The following UBA6 variants were observed in gnomAD, a reference collection of about 807,000 sequenced individuals.
The protein encoded by UBA6 is ubiquitin-like modifier-activating enzyme 6.
Under a neutral mutation model 148.3 loss-of-function variants are expected in UBA6, and 87 were observed. That is an observed-to-expected ratio of 0.59 (90% CI 0.49 to 0.70). The LOEUF is 0.70. Among genes scored for constraint, UBA6 ranks in the 30% least tolerant of loss-of-function variants. The pLI, the probability that UBA6 is intolerant of heterozygous loss-of-function variation, is 0.00. For missense variants in UBA6, 1,186 were observed against 1,241.2 expected, an observed-to-expected ratio of 0.96 and a Z score of 0.67; for synonymous variants, 376 against 401.0, an observed-to-expected ratio of 0.94 and a Z score of 0.75.
rs1376987161 is a variant in UBA6, at chr4:67,635,701, TCAAA to T, written c.1737-147_1737-144del. Reference sequence around the variant, plus strand: ...TTTTAGGAAAACAGATATACTACTATCAAACAGTGGATCATTCCTGTTCCCCTAT... The same window carrying T: ...TTTTAGGAAAACAGATATACTACTATCAGTGGATCATTCCTGTTCCCCTAT... On this transcript the variant is annotated intron_variant, in intron 19 of 32. Transcript: ENST00000322244. 9 of 494,104 alleles carry T rather than the reference TCAAA, an allele frequency of 1.8e-5. No individual in the cohort carries two copies. The Middle Eastern group carries it at 1.6e-3, about 88-fold the overall frequency. The allele number at this position is 494,104 out of a possible 1,614,324, so 30.6% of individuals were successfully genotyped here. A position where few individuals can be genotyped will look rare whatever the true frequency, so the allele number is the denominator to read the frequency against.
rs1577823101 is a variant in UBA6, at chr4:67,665,781, T to C, written c.794-489A>G. Among the ~76,000 whole-genome samples the C allele has an allele frequency of 2.6e-5, 4 of 152,014 alleles. 1 individual carries two copies. The highest frequency in any genetic ancestry group is 2.6e-4 in the Admixed American group (4 of 15,264). Reference sequence around the variant, plus strand: ...AAATCTTATAGAGAAAAAAGACAACTGGGAGAATACCTATTGCAAATGGAT... The same window carrying C: ...AAATCTTATAGAGAAAAAAGACAACCGGGAGAATACCTATTGCAAATGGAT... On this transcript the variant is annotated intron_variant, in intron 9 of 32. Coordinates refer to ENST00000322244, the MANE Select transcript of UBA6 (RefSeq NM_018227.6).
At chr4:67,668,061 T>C (rs974102488) in intron 9 of UBA6, among the ~76,000 whole-genome samples, 1 of 152,180 alleles carries the variant, frequency 6.6e-6, no homozygotes, top group Non-Finnish European at 1.5e-5. Flanking sequence ...TTTCTTGCAT[T>C]CCTTAAGTGA....
chr4:67,685,911 G>A (rs1730547349), intron 2 of UBA6, among the ~76,000 whole-genome samples: 1 of 152,034 alleles, frequency 6.6e-6, no homozygotes, highest in Non-Finnish European at 1.5e-5. Context: ...TTTCTGTTTA[G>A]TCACCAAAGG....
chr4:67,678,412 C>G, intron 5 of UBA6, 27 bp downstream of exon 5: 4 of 1,404,468 alleles, frequency 2.8e-6, no homozygotes, highest in Non-Finnish European at 3.9e-6. Flanking sequence ...TAAAAAAACT[C>G]ATGATAATAC....
intron 2 of UBA6, among the ~76,000 whole-genome samples, chr4:67,684,432 TTTTTATG>T (rs1222722179): frequency 6.6e-5 from 10 of 152,240 alleles, no homozygotes; most frequent in Non-Finnish European, 1.3e-4. Context: ...TATGATTCTT[TTTTTATG>T]TGTTAATCCA....
At chr4:67,649,296 GAACTT>G (rs2109919991) in intron 13 of UBA6, 85 bp from the exon 14 acceptor site, 5 of 1,291,794 alleles carry the variant, frequency 3.9e-6, no homozygotes, top group Non-Finnish European at 4.2e-6. Flanking sequence ...GTGAGAATTA[GAACTT>G]AACTTCTAAA....
rs1227044689 is a variant in UBA6 at position 67,662,263 on chromosome 4, TCAAAA to T, written c.1038-13_1038-9del. Reference sequence around the variant, plus strand: ...TCTGAATCTTGTTGGCATCTACAACTCAAAACAGAACACCCTAACTTTAATTTTCT... The same window carrying T: ...TCTGAATCTTGTTGGCATCTACAACTCAGAACACCCTAACTTTAATTTTCT... On this transcript the variant is annotated splice_polypyrimidine_tract_variant and intron_variant, in intron 12 of 32. Coordinates refer to ENST00000322244, the MANE Select transcript of UBA6 (RefSeq NM_018227.6). 1 of 1,612,578 alleles carries T rather than the reference TCAAAA, an allele frequency of 6.2e-7. No individual in the cohort carries two copies. The highest frequency in any genetic ancestry group is 1.3e-5 in the African/African-American group (1 of 74,882).
chr4:67,637,748 G>A (rs563325105), intron 19 of UBA6, among the ~76,000 whole-genome samples: 5 of 151,976 alleles, frequency 3.3e-5, no homozygotes, highest in South Asian at 4.2e-4. Flanking sequence ...CAGCATGCTC[G>A]TCAAGAGTCA....
At chr4:67,699,457 C>G (rs949384493) in intron 1 of UBA6, among the ~76,000 whole-genome samples, 3 of 152,064 alleles carry the variant, frequency 2.0e-5, no homozygotes, top group African/African-American at 7.2e-5. Context: ...AAACGGATAG[C>G]TATTAAAAAA....
In UBA6 at chr4:67,637,935, TATAAATAAATAA is replaced by T. The variant is rs71219062; in HGVS notation, c.1736+996_1736+1007del. Among the ~76,000 whole-genome samples the T allele has an allele frequency of 1.6e-3, 223 of 143,832 alleles. 1 individual carries two copies. Among genetic ancestry groups the T allele is most frequent in the African/African-American group, 2.4e-3 (94 of 39,280 alleles). The allele number at this position is 143,832 out of a possible 152,430, so 94.4% of individuals were successfully genotyped here. ...GCGAGAAACACCCAAGAATGATCAATATAAATAAATAAATAAATAAATAAATAAATAAAAAGA... is the reference window on the plus strand; with the variant it reads ...GCGAGAAACACCCAAGAATGATCAATATAAATAAATAAATAAATAAAAAGA... On this transcript the variant is annotated intron_variant, in intron 19 of 32. Coordinates refer to ENST00000322244, the MANE Select transcript of UBA6 (RefSeq NM_018227.6).
Position 67,631,926 on chromosome 4 carries a change from A to G in UBA6, c.2143-18T>C. 6.2e-7 allele frequency: 1 copy of G among 1,606,222 alleles called. No homozygotes were observed. The highest frequency in any genetic ancestry group is 8.5e-7 in the Non-Finnish European group (1 of 1,176,550). ...TGAAGAGCCTAAAGAAAAAAAATGA[A>G]TTAAAGACACCCACTACTTAATATT... is the stretch of plus-strand genomic sequence containing the variant. On this transcript the variant is annotated intron_variant, in intron 23 of 32. Transcript: ENST00000322244.
At chr4:67,640,051 T>G (rs1258883520) in intron 18 of UBA6, among the ~76,000 whole-genome samples, 1 of 152,268 alleles carries the variant, frequency 6.6e-6, no homozygotes, top group Non-Finnish European at 1.5e-5. Flanking sequence ...GTGCTGTCAC[T>G]GTTCATCTGC....
In UBA6 at chr4:67,665,299, G is replaced by C; in HGVS notation, c.794-7C>G. ...AAAGAAAATGGCGATATCACTAGAA[G>C]ACAAAAAATTTAAAAAATCATTACA... is the stretch of plus-strand genomic sequence containing the variant. On this transcript the variant is annotated splice_polypyrimidine_tract_variant and splice_region_variant and intron_variant, in intron 9 of 32. Transcript: ENST00000322244. The C allele has an allele frequency of 6.4e-7, 1 of 1,562,224 alleles. No individual in the cohort carries two copies. The highest frequency in any genetic ancestry group is 8.7e-7 in the Non-Finnish European group (1 of 1,153,666).
chr4:67,624,592 GAT>G (rs1344783312), intron 29 of UBA6, among the ~76,000 whole-genome samples: 2 of 152,020 alleles, frequency 1.3e-5, no homozygotes, highest in African/African-American at 4.8e-5. Context: ...TAGCTTCATA[GAT>G]AATTACATAG....
At chr4:67,656,952 T>C (rs916320233) in intron 13 of UBA6, among the ~76,000 whole-genome samples, 2 of 151,994 alleles carry the variant, frequency 1.3e-5, no homozygotes, top group Non-Finnish European at 2.9e-5. Context: ...GAGAATAAAA[T>C]ACCTAGGAAT....
In UBA6 at chr4:67,626,493, T is replaced by C. The variant is rs1171572215; in HGVS notation, c.2401-16A>G. On this transcript the variant is annotated splice_polypyrimidine_tract_variant and intron_variant, in intron 27 of 32. Transcript: ENST00000322244. ...TTTGAACAACCTTTGAATATATGAA[T>C]ATATTTTTATTAATGTTATCATTTC... The C allele has an allele frequency of 6.9e-7, 1 of 1,457,452 alleles. No individual in the cohort carries two copies. The highest frequency in any genetic ancestry group is 2.3e-5 in the East Asian group (1 of 43,590). 90.3% of individuals were successfully genotyped at this position (1,457,452 alleles called of 1,614,324 possible).
intron 2 of UBA6, 126 bp from the exon 3 acceptor site, chr4:67,682,339 C>A (rs1730463708): frequency 1.5e-6 from 1 of 668,716 alleles, no homozygotes; most frequent in African/African-American, 1.8e-5. Flanking sequence ...GAATGATTTG[C>A]ACAGTGTTTA....
chr4:67,681,608 A>C lies in UBA6; in HGVS notation c.230-17T>G. 3.8e-6 allele frequency: 6 copies of C among 1,573,700 alleles called. No individual in the cohort carries two copies. The highest frequency in any genetic ancestry group is 5.2e-6 in the Non-Finnish European group (6 of 1,161,848). On this transcript the variant is annotated splice_polypyrimidine_tract_variant and intron_variant, in intron 3 of 32. Transcript: ENST00000322244. ...GATTCTTTGCTAGAAAGGCAAAAGA[A>C]AAAGGAATAGCTCAATATTGGGAAT...
At chr4:67,637,085 C>G (rs1341928756) in intron 19 of UBA6, among the ~76,000 whole-genome samples, 4 of 149,378 alleles carry the variant, frequency 2.7e-5, no homozygotes, top group African/African-American at 4.9e-5. Flanking sequence ...CCTGCCGCCC[C>G]GTCTGAGAAG....
Sources: gnomAD v4.1 joint callset for allele counts (sites outside exome capture counted in the v4.1 genomes callset) on GRCh38, gnomAD v4.1.1 for gene constraint, MANE v1.5 for transcripts, NCBI Gene and HGNC (gene_info 2026-07-23, HGNC 2026-07-21) for gene names.